Variants in WWP2 observed in about 807,000 individuals in gnomAD.
WWP2 encodes NEDD4-like E3 ubiquitin-protein ligase WWP2.
A neutral mutation model predicts 121.0 loss-of-function variants in WWP2; 57 were observed. The observed-to-expected ratio is 0.47, with a 90% CI of 0.38 to 0.59. WWP2 has a LOEUF of 0.59. Among genes scored for constraint, WWP2 ranks in the 20% least tolerant of loss-of-function variants. The probability of loss-of-function intolerance (pLI) is 0.00; values close to 1 mark genes in which losing one functional copy is unlikely to be tolerated. For synonymous variants in WWP2, 449 were observed against 441.3 expected (o/e 1.02, Z -0.22); for missense variants, 962 against 1,158.9 (o/e 0.83, Z 2.47).
At chr16:69,822,872 C>T (rs1225038447) in intron 4 of WWP2, among the ~76,000 whole-genome samples, 1 of 152,214 alleles carries the variant, frequency 6.6e-6, no homozygotes, top group African/African-American at 2.4e-5. Context: ...CACCGTGGCT[C>T]ACGCCTGCAA....
intron 6 of WWP2, among the ~76,000 whole-genome samples, chr16:69,846,441 TG>T (rs1197278674): frequency 3.3e-5 from 5 of 152,062 alleles, no homozygotes; most frequent in African/African-American, 1.2e-4. Context: ...TGGATGGGGC[TG>T]GGTGTGGTGG....
At chr16:69,790,303 A>G (rs1290322644) in intron 2 of WWP2, among the ~76,000 whole-genome samples, 2 of 152,232 alleles carry the variant, frequency 1.3e-5, no homozygotes, top group African/African-American at 4.8e-5. Context: ...TGTATGTTAC[A>G]TGTATTATAT....
chr16:69,853,441 C>T (rs1210974781), intron 6 of WWP2, among the ~76,000 whole-genome samples: 1 of 152,212 alleles, frequency 6.6e-6, no homozygotes, highest in Non-Finnish European at 1.5e-5. Flanking sequence ...CACCACAGGA[C>T]AAATGGCTTC....
chr16:69,871,868 G>C lies in WWP2; in HGVS notation c.640G>C (p.Ala214Pro). The C allele has an allele frequency of 6.2e-7, 1 of 1,614,072 alleles. No individual in the cohort carries two copies. The highest frequency in any genetic ancestry group is 1.3e-5 in the African/African-American group (1 of 75,048). Residue 214 changes from alanine to proline, a missense_variant, in exon 7 of 24, where the codon GCT becomes CCT. Transcript: ENST00000359154. ...TPATGEQSPG[A>P]RSRHRQPVKN... ...AGCAACCGGCGAGCAAAGCCCCGGT[G>C]CTCGGAGCCGGCACCGCCAGCCCGT...
At chr16:69,777,162 A>G (rs1045868280) in intron 1 of WWP2, among the ~76,000 whole-genome samples, 1 of 151,790 alleles carries the variant, frequency 6.6e-6, no homozygotes, top group Non-Finnish European at 1.5e-5. Flanking sequence ...TATACAATAC[A>G]CATATGGATA....
chr16:69,835,456 C>T (rs2056859636), intron 4 of WWP2, among the ~76,000 whole-genome samples: 1 of 152,062 alleles, frequency 6.6e-6, no homozygotes, highest in African/African-American at 2.4e-5. Context: ...TTTAAATAAC[C>T]TTGCCAATTT....
rs766364911 is a variant in WWP2, at chr16:69,935,560, G to A, written c.1843-293G>A. 3.9e-5 allele frequency among the ~76,000 whole-genome samples: 6 copies of A among 152,228 alleles called. No homozygotes were observed. Among genetic ancestry groups the A allele is most frequent in the Non-Finnish European group, 5.9e-5 (4 of 68,030 alleles). On this transcript the variant is annotated intron_variant, in intron 17 of 23. Coordinates refer to ENST00000359154, the MANE Select transcript of WWP2 (RefSeq NM_001270454.2). This position sits in a 1 kb window ranked among gnomAD's most constrained non-coding sequence, Gnocchi z 5.2. ...ACCTTTGCTAGGCCAGGAGCCAGCC[G>A]GCCAGCGTGCGGGGCAGATGCGGGC...
At chr16:69,903,528 G>A (rs1235507445) in intron 8 of WWP2, among the ~76,000 whole-genome samples, 2 of 152,134 alleles carry the variant, frequency 1.3e-5, no homozygotes, top group East Asian at 1.9e-4. Context: ...CAGCACTTTG[G>A]GAGGCCGAGG....
chr16:69,874,761 C>T (rs1200358541), intron 7 of WWP2, among the ~76,000 whole-genome samples: 3 of 152,186 alleles, frequency 2.0e-5, no homozygotes, highest in African/African-American at 4.8e-5. Context: ...TTTCCATACA[C>T]ATCAGTCAGA....
At chr16:69,815,825 G>A (rs949490070) in intron 4 of WWP2, among the ~76,000 whole-genome samples, 49 of 149,718 alleles carry the variant, frequency 3.3e-4, no homozygotes, top group African/African-American at 8.8e-4. Context: ...CATACATACT[G>A]TATATTATGG....
At chr16:69,845,919 G>T (rs906726611) in intron 6 of WWP2, among the ~76,000 whole-genome samples, 3 of 151,218 alleles carry the variant, frequency 2.0e-5, no homozygotes, top group Non-Finnish European at 4.4e-5. Context: ...GCATGGTGGT[G>T]TGTGCCTATA....
At chr16:69,770,970 T>TAAAAAAA (rs397942280) in intron 1 of WWP2, among the ~76,000 whole-genome samples, 1 of 135,372 alleles carries the variant, frequency 7.4e-6, no homozygotes. Flanking sequence ...CTGTCTCTAT[T>TAAAAAAA]AAAAAAAAAA....
chr16:69,894,308 T>C (rs2058076615), intron 8 of WWP2, among the ~76,000 whole-genome samples: 1 of 151,578 alleles, frequency 6.6e-6, no homozygotes, highest in African/African-American at 2.4e-5. Context: ...CTCAAACTCC[T>C]GGGCTCAAGC....
intron 7 of WWP2, among the ~76,000 whole-genome samples, chr16:69,875,473 T>C (rs2057718885): frequency 6.6e-6 from 1 of 152,252 alleles, no homozygotes; most frequent in Non-Finnish European, 1.5e-5. Context: ...ATCAAAGATT[T>C]CTCTGTAGCA....
intron 1 of WWP2, among the ~76,000 whole-genome samples, chr16:69,765,200 C>CA (rs576764306): frequency 3.5e-4 from 52 of 149,396 alleles, no homozygotes; most frequent in Non-Finnish European, 5.6e-4. Context: ...GACCCTGTCT[C>CA]AAAAAAAAGA....
In WWP2 at chr16:69,849,981, C is replaced by T. The variant is rs149580594; in HGVS notation, c.575+7861C>T. On this transcript the variant is annotated intron_variant, in intron 6 of 23. Transcript: ENST00000359154. ...TGTTTATAATGCCAGATGTGGCATGCGCCAGAAAGCTGGTTATAAACTAGG... is the reference window on the plus strand; with the variant it reads ...TGTTTATAATGCCAGATGTGGCATGTGCCAGAAAGCTGGTTATAAACTAGG... Among the ~76,000 whole-genome samples the T allele has an allele frequency of 5.3e-5, 8 of 152,296 alleles. No individual in the cohort carries two copies. In the East Asian group the frequency reaches 1.2e-3, roughly 22 times the overall value.
At chr16:69,927,644 C>T (rs2058658288) in intron 11 of WWP2, among the ~76,000 whole-genome samples, 3 of 152,216 alleles carry the variant, frequency 2.0e-5, no homozygotes, top group Admixed American at 1.3e-4. Context: ...TTAGCCTTGG[C>T]TTTGGCCCTT....
rs896917901 is a variant in WWP2, at chr16:69,909,534, T to C, written c.1004+684T>C. The C allele has an allele frequency of 1.1e-5, 11 of 985,362 alleles. No homozygotes were observed. In the African/African-American group the frequency reaches 1.7e-4, roughly 16 times the overall value. 61.0% of individuals were successfully genotyped at this position (985,362 alleles called of 1,614,324 possible). ...CATCTTCTGGTCCCATAATTCTCCA[T>C]GGATGGGCTGCTTTTAGCTCCAGTT... is the stretch of plus-strand genomic sequence containing the variant. On this transcript the variant is annotated intron_variant, in intron 9 of 23. Coordinates refer to ENST00000359154, the MANE Select transcript of WWP2 (RefSeq NM_001270454.2).
At chr16:69,919,140 G>A (rs779754440) in intron 10 of WWP2, among the ~76,000 whole-genome samples, 26 of 152,008 alleles carry the variant, frequency 1.7e-4, no homozygotes, top group Non-Finnish European at 2.9e-4. Context: ...CACCATCCCC[G>A]ACCACATTTA....
Sources: allele counts gnomAD v4.1 joint callset (sites outside exome capture counted in the v4.1 genomes callset), GRCh38; gene constraint gnomAD v4.1.1; non-coding constraint Gnocchi (gnomAD v3.1); transcripts MANE v1.5; gene names NCBI Gene and HGNC (gene_info 2026-07-23, HGNC 2026-07-21).